The following RNF2 variants were observed in gnomAD, a reference collection of about 807,000 sequenced individuals.
The protein encoded by RNF2 is ring finger protein 2.
RNF2 carries 6 observed loss-of-function variants against 37.2 expected under a neutral mutation model. The ratio of observed to expected loss-of-function variants is 0.16; its 90% CI spans 0.09 to 0.32. RNF2 has a LOEUF of 0.32. Among genes scored for constraint, RNF2 ranks in the 10% least tolerant of loss-of-function variants. RNF2 has a pLI of 1.00. For missense variants in RNF2, 251 were observed against 404.0 expected (o/e 0.62, Z 3.25); for synonymous variants, 133 against 132.7 (o/e 1.00, Z -0.02).
intron 1 of RNF2, among the ~76,000 whole-genome samples, chr1:185,065,877 C>T (rs1650783922): frequency 6.6e-6 from 1 of 152,016 alleles, no homozygotes; most frequent in Non-Finnish European, 1.5e-5. Context: ...TTTTTTTCCC[C>T]CCTACTTGCT....
At chr1:185,076,139 T>C (rs1243177792) in intron 1 of RNF2, among the ~76,000 whole-genome samples, 1 of 151,884 alleles carries the variant, frequency 6.6e-6, no homozygotes, top group East Asian at 1.9e-4. Context: ...AATTTGCTCA[T>C]GGTGTCTCTA....
chr1:185,058,702 G>A (rs936691095), intron 1 of RNF2, among the ~76,000 whole-genome samples: 6 of 152,156 alleles, frequency 3.9e-5, no homozygotes, highest in African/African-American at 1.2e-4. Flanking sequence ...TTGATTATTT[G>A]AAGAACTCAC....
At chr1:185,077,254 TG>T (rs1651194364) in intron 1 of RNF2, among the ~76,000 whole-genome samples, 1 of 152,132 alleles carries the variant, frequency 6.6e-6, no homozygotes, top group African/African-American at 2.4e-5. Flanking sequence ...ACTGATACTT[TG>T]ATCACTTCCT....
At chr1:185,092,619 C>T (rs940843423) in intron 3 of RNF2, among the ~76,000 whole-genome samples, 1 of 151,946 alleles carries the variant, frequency 6.6e-6, no homozygotes, top group Admixed American at 6.6e-5. Context: ...GAAATTACAA[C>T]GCATAAAACC....
At position 185,096,368 on chromosome 1, in the gene RNF2, C is replaced by G. The variant is rs138891108; in HGVS notation, c.465-1704C>G. On this transcript the variant is annotated intron_variant, in intron 4 of 6. Coordinates refer to ENST00000367510, the MANE Select transcript of RNF2 (RefSeq NM_007212.4). Reference sequence around the variant, plus strand: ...ACGATTGGCTCCTCAAAGCTGAACACTCACAATGTTGTGCAGCCAATCTAC... The same window carrying G: ...ACGATTGGCTCCTCAAAGCTGAACAGTCACAATGTTGTGCAGCCAATCTAC... 5.8e-3 allele frequency among the ~76,000 whole-genome samples: 887 copies of G among 152,190 alleles called. 12 individuals are homozygous for G. The highest frequency in any genetic ancestry group is 0.056 in the East Asian group (290 of 5,170).
At chr1:185,051,823 C>T (rs1650279944) in intron 1 of RNF2, among the ~76,000 whole-genome samples, 1 of 148,424 alleles carries the variant, frequency 6.7e-6, no homozygotes. Flanking sequence ...TATATACACA[C>T]ATTTTATGTA....
intron 1 of RNF2, among the ~76,000 whole-genome samples, chr1:185,054,062 T>C (rs545493754): frequency 6.6e-6 from 1 of 152,292 alleles, no homozygotes; most frequent in Admixed American, 6.5e-5. Context: ...CAAATGACTT[T>C]TGTATATGTG....
At chr1:185,089,562 A>T (rs1341811689) in intron 2 of RNF2, among the ~76,000 whole-genome samples, 2 of 152,170 alleles carry the variant, frequency 1.3e-5, no homozygotes, top group Non-Finnish European at 2.9e-5. Flanking sequence ...TCATTGGTTC[A>T]TGTGATGAAT....
At chr1:185,069,775 C>T (rs531982905) in intron 1 of RNF2, among the ~76,000 whole-genome samples, 69 of 152,222 alleles carry the variant, frequency 4.5e-4, no homozygotes, top group Non-Finnish European at 8.5e-4. Flanking sequence ...AATTTAAGCC[C>T]GAAATATCTC....
At chr1:185,056,441 C>G (rs978953007) in intron 1 of RNF2, among the ~76,000 whole-genome samples, 1 of 151,896 alleles carries the variant, frequency 6.6e-6, no homozygotes, top group Non-Finnish European at 1.5e-5. Context: ...TTACTGCAGC[C>G]TTGAACTCCT....
chr1:185,097,604 G>T (rs1042938691), intron 4 of RNF2, among the ~76,000 whole-genome samples: 3 of 152,238 alleles, frequency 2.0e-5, no homozygotes, highest in African/African-American at 7.2e-5. Flanking sequence ...AGCCATCCTA[G>T]TTTACTGCGC....
chr1:185,080,181 T>G (rs1234810387), intron 1 of RNF2, among the ~76,000 whole-genome samples: 1 of 152,206 alleles, frequency 6.6e-6, no homozygotes, highest in Non-Finnish European at 1.5e-5. Flanking sequence ...CCATTCTTGT[T>G]CTTTTCCTCT....
At chr1:185,071,343 C>G (rs1650967214) in intron 1 of RNF2, among the ~76,000 whole-genome samples, 1 of 152,066 alleles carries the variant, frequency 6.6e-6, no homozygotes, top group African/African-American at 2.4e-5. Context: ...GATATGTATC[C>G]TGAAAGATTA....
At chr1:185,083,557 A>G (rs1651492086) in intron 1 of RNF2, among the ~76,000 whole-genome samples, 1 of 152,002 alleles carries the variant, frequency 6.6e-6, no homozygotes, top group Non-Finnish European at 1.5e-5. Context: ...CCTGGGCTCA[A>G]GCAGTCCTCC....
At chr1:185,088,651 T>C (rs1651675102) in intron 2 of RNF2, among the ~76,000 whole-genome samples, 1 of 152,112 alleles carries the variant, frequency 6.6e-6, no homozygotes, top group African/African-American at 2.4e-5. Flanking sequence ...GTTAGACAAG[T>C]GTAAATTAGA....
chr1:185,067,571 G>A (rs1021938250), intron 1 of RNF2, among the ~76,000 whole-genome samples: 1 of 152,000 alleles, frequency 6.6e-6, no homozygotes, highest in Non-Finnish European at 1.5e-5. Flanking sequence ...AACTATGAGA[G>A]AAAAACATAT....
At chr1:185,051,462 T>G (rs373605916) in intron 1 of RNF2, among the ~76,000 whole-genome samples, 1 of 152,148 alleles carries the variant, frequency 6.6e-6, no homozygotes, top group Admixed American at 6.5e-5. Context: ...TGAAAAGATA[T>G]AAGAAGTAAT....
At chr1:185,054,404 C>T (rs180770203) in intron 1 of RNF2, among the ~76,000 whole-genome samples, 22 of 152,326 alleles carry the variant, frequency 1.4e-4, no homozygotes, top group African/African-American at 4.8e-4. Flanking sequence ...CAAGGCTGGA[C>T]ACTGTGCTCT....
At chr1:185,097,562 G>A (rs540606624) in intron 4 of RNF2, among the ~76,000 whole-genome samples, 11 of 152,276 alleles carry the variant, frequency 7.2e-5, no homozygotes, top group South Asian at 2.1e-4. Context: ...AAGAGATAGC[G>A]TCTTACTCTG....
Sources: gnomAD v4.1 joint callset for allele counts (sites outside exome capture counted in the v4.1 genomes callset) on GRCh38, gnomAD v4.1.1 for gene constraint, MANE v1.5 for transcripts, NCBI Gene and HGNC (gene_info 2026-07-23, HGNC 2026-07-21) for gene names.